ERCC5: variants seen among roughly 807,000 people sequenced by gnomAD.
ERCC5 encodes the protein ERCC excision repair 5, endonuclease, also known as DNA excision repair protein ERCC-5.
In ERCC5, 68 loss-of-function variants were observed where a neutral mutation model predicts 105.6. That is an observed-to-expected ratio of 0.64 (90% CI 0.53 to 0.79). The LOEUF is 0.79. ERCC5 is among the 30% of genes least tolerant of loss of function. ERCC5 has a pLI of 0.00. For synonymous variants in ERCC5, 546 were observed against 526.2 expected (o/e 1.04, Z -0.51); for missense variants, 1,373 against 1,426.7 (o/e 0.96, Z 0.61).
At chr13:102,872,015 C>T (rs1883049431) in intron 12 of ERCC5, among the ~76,000 whole-genome samples, 183 bp from the exon 13 acceptor site, 1 of 152,110 alleles carries the variant, frequency 6.6e-6, no homozygotes. Context: ...AGGAAGACTT[C>T]CATAAATGTT....
intron 6 of ERCC5, among the ~76,000 whole-genome samples, chr13:102,859,702 G>T (rs898000189): frequency 1.7e-4 from 26 of 152,282 alleles, no homozygotes; most frequent in African/African-American, 5.1e-4. Flanking sequence ...CAGCTTACTG[G>T]ATCTGTAATT....
intron 14 of ERCC5, among the ~76,000 whole-genome samples, chr13:102,873,696 T>G (rs1019715297): frequency 6.6e-6 from 1 of 152,222 alleles, no homozygotes; most frequent in Non-Finnish European, 1.5e-5. Context: ...TCTGATCATT[T>G]AAGTTTTTAT....
rs2140532598 is a variant in ERCC5, at chr13:102,866,723, C to G, written c.2411C>G (p.Ser804Cys). The change falls in exon 11 of 15, where the codon TCC becomes TGC. Residue 804 changes from serine (S) to cysteine (C), a missense_variant. Coordinates refer to ENST00000652225, the MANE Select transcript of ERCC5 (RefSeq NM_000123.4). The part of the protein sequence containing the change: ...CAILDLTDQT[S>C]GTITDDSDIW... ...ATCCTGGACCTGACTGATCAGACTTCCGGAACCATCACTGATGACAGTGAT... is the reference window on the plus strand; with the variant it reads ...ATCCTGGACCTGACTGATCAGACTTGCGGAACCATCACTGATGACAGTGAT... 5 of 1,614,254 alleles carry G rather than the reference C, an allele frequency of 3.1e-6. No individual in the cohort carries two copies. The highest frequency in any genetic ancestry group is 1.7e-5 in the Admixed American group (1 of 60,032).
rs1882229359 is a variant in ERCC5 at position 102,852,176 on chromosome 13, A to G, written c.147A>G (p.Ser49=). 1 of 1,614,030 alleles carries G rather than the reference A, an allele frequency of 6.2e-7. No homozygotes were observed. Among genetic ancestry groups the G allele is most frequent in the African/African-American group, 1.3e-5 (1 of 74,944 alleles). ...LKGVRDRHGN[S]IENPHLLTLF... ...GAGTCCGGGATCGCCATGGGAACTC[A>G]ATAGAAAATCCTCATCTTCTCACTT... Residue 49 remains serine, a synonymous_variant, in exon 2 of 15, where the codon TCA becomes TCG. Coordinates refer to ENST00000652225, the MANE Select transcript of ERCC5 (RefSeq NM_000123.4).
intron 2 of ERCC5, 150 bp from the exon 3 acceptor site, chr13:102,853,607 A>G (rs1408440285): frequency 2.7e-6 from 2 of 735,308 alleles, no homozygotes; most frequent in Non-Finnish European, 4.6e-6. Flanking sequence ...CAACCTGAAG[A>G]TATACACTGA....
rs772283134 is a variant in ERCC5, at chr13:102,856,080, C to A, written c.496C>A (p.Gln166Lys). The change falls in exon 5 of 15, where the codon CAA (glutamine) becomes AAA (lysine). Residue 166 changes from glutamine to lysine, a missense_variant. Physicochemically the swap from Gln to Lys is moderately conservative, Grantham distance 53. Around this residue, in one of 3 missense-constraint regions of ERCC5, gnomAD observed 1,004 missense variants for 1,059.7 expected, o/e 0.95. Coordinates refer to ENST00000652225, the MANE Select transcript of ERCC5 (RefSeq NM_000123.4). ...AGAAGAGGAAGATGAAAAAGAATGG[C>A]AAGAAAGAATGAATCAAAAACAAGC... ...SSEEEDEKEW[Q>K]ERMNQKQALQ... 2 of 1,613,744 alleles carry A rather than the reference C, an allele frequency of 1.2e-6. No homozygotes were observed. Among genetic ancestry groups the A allele is most frequent in the Admixed American group, 3.3e-5 (2 of 60,018 alleles).
intron 5 of ERCC5, 116 bp downstream of exon 5, chr13:102,856,228 A>AG: frequency 1.8e-6 from 2 of 1,110,826 alleles, no homozygotes; most frequent in South Asian, 2.7e-5. Flanking sequence ...AAGTAAAGAC[A>AG]GATGGCTTTT....
At chr13:102,846,573 A>G (rs1881974905) in intron 1 of ERCC5, among the ~76,000 whole-genome samples, 1 of 152,128 alleles carries the variant, frequency 6.6e-6, no homozygotes, top group Non-Finnish European at 1.5e-5. Flanking sequence ...ACGATGTTCA[A>G]GTTCCTTCAA....
At chr13:102,856,209 C>G in intron 5 of ERCC5, 97 bp downstream of exon 5, 1 of 1,331,128 alleles carries the variant, frequency 7.5e-7, no homozygotes. Flanking sequence ...TGTGAAAGTT[C>G]CTGATAAAAA....
intron 5 of ERCC5, among the ~76,000 whole-genome samples, chr13:102,856,768 C>A (rs945773297): frequency 1.3e-5 from 2 of 152,204 alleles, no homozygotes; most frequent in African/African-American, 4.8e-5. Flanking sequence ...TGGCTGTCAG[C>A]CAGTCTTCCA....
At chr13:102,858,963 C>G in intron 6 of ERCC5, 1 of 456,046 alleles carries the variant, frequency 2.2e-6, no homozygotes. Context: ...TCCACATTCC[C>G]TTGCCCTCTT....
Position 102,865,520 on chromosome 13 carries a change from C to A in ERCC5, c.1955-147C>A. On this transcript the variant is annotated intron_variant, in intron 8 of 14. Transcript: ENST00000652225. The surrounding 1 kb of genome is among the most constrained non-coding windows in gnomAD (Gnocchi z 4.0). The stretch of plus-strand genomic sequence containing the variant: ...TGTGATTACATTTATTTATTAATAA[C>A]GCTACTATTACATGTATTCTGTTAT... The A allele has an allele frequency of 3.7e-6, 4 of 1,088,756 alleles. No homozygotes were observed. Among genetic ancestry groups the A allele is most frequent in the East Asian group, 2.7e-5 (1 of 37,470 alleles). 67.4% of individuals were successfully genotyped at this position (1,088,756 alleles called of 1,614,324 possible).
In ERCC5 at chr13:102,858,339, C is replaced by G. The variant is rs780136716; in HGVS notation, c.593C>G (p.Pro198Arg). The G allele has an allele frequency of 2.5e-6, 4 of 1,614,162 alleles. No individual in the cohort carries two copies. Among genetic ancestry groups the G allele is most frequent in the Non-Finnish European group, 2.5e-6 (3 of 1,180,024 alleles). ...IESEDFSSLP[P>R]EVKHEILTDM... ...TCTGAGGACTTCAGCAGCCTGCCCC[C>G]TGAAGTAAAGCATGAAATCTTGACT... Residue 198 changes from proline (P) to arginine (R), a missense_variant, in exon 6 of 15, where the codon CCT becomes CGT. Physicochemically the swap from Pro to Arg is moderately radical, Grantham distance 103. Around this residue, in one of 3 missense-constraint regions of ERCC5, gnomAD observed 1,004 missense variants for 1,059.7 expected, o/e 0.95. Transcript: ENST00000652225.
Position 102,873,330 on chromosome 13 carries a change from T to G in ERCC5, c.2951T>G (p.Leu984Arg), listed in dbSNP as rs1234968930. 1 of 1,614,102 alleles carries G rather than the reference T, an allele frequency of 6.2e-7. No homozygotes were observed. Among genetic ancestry groups the G allele is most frequent in the Non-Finnish European group, 8.5e-7 (1 of 1,179,994 alleles). The change falls in exon 14 of 15, where the codon CTC (leucine) becomes CGC (arginine). Residue 984 changes from leucine to arginine, a missense_variant. Leu to Arg is a moderately radical substitution (Grantham distance 102). Around this residue, in one of 3 missense-constraint regions of ERCC5, gnomAD observed 367 missense variants for 350.2 expected, o/e 1.05. Transcript: ENST00000652225. ...TCTCTGTTTCCTGTATTAAAGCAAC[T>G]CGATGCCCAGCAGGTAATCATGGTG... ...DESLFPVLKQ[L>R]DAQQTQLRID...
At chr13:102,848,815 T>C (rs560461728) in intron 1 of ERCC5, among the ~76,000 whole-genome samples, 38 of 152,302 alleles carry the variant, frequency 2.5e-4, no homozygotes, top group Admixed American at 3.3e-4. Flanking sequence ...ATTTTACATA[T>C]TTCATCTCTA....
intron 14 of ERCC5, 84 bp from the exon 15 acceptor site, chr13:102,875,223 A>T: frequency 3.4e-6 from 5 of 1,453,748 alleles, no homozygotes; most frequent in East Asian, 2.4e-5. Context: ...AATGTGAGTG[A>T]TCAAGGTTGA....
In ERCC5 at chr13:102,847,369, G is replaced by A. The variant is rs566515838; in HGVS notation, c.88+1015G>A. 4.0e-5 allele frequency among the ~76,000 whole-genome samples: 6 copies of A among 151,212 alleles called. No individual in the cohort carries two copies. The South Asian group carries it at 1.3e-3, about 32-fold the overall frequency. ...TACCTTACACCAATTTCCTAAATGGGGATCTATGAGTCTAGGGGCTCGTGG... is the reference window on the plus strand; with the variant it reads ...TACCTTACACCAATTTCCTAAATGGAGATCTATGAGTCTAGGGGCTCGTGG... On this transcript the variant is annotated intron_variant, in intron 1 of 14. Transcript: ENST00000652225.
intron 12 of ERCC5, among the ~76,000 whole-genome samples, chr13:102,870,630 G>A (rs1006558129): frequency 6.6e-6 from 1 of 152,184 alleles, no homozygotes; most frequent in Non-Finnish European, 1.5e-5. Context: ...AGAATTATCG[G>A]TATTCTCTCA....
At chr13:102,849,333 C>T (rs1394810237) in intron 1 of ERCC5, 1 of 518,980 alleles carries the variant, frequency 1.9e-6, no homozygotes, top group Non-Finnish European at 3.8e-6. Context: ...AAATCATGTT[C>T]TAGAAACTTC....
Sources: allele counts gnomAD v4.1 joint callset (sites outside exome capture counted in the v4.1 genomes callset), GRCh38; gene constraint gnomAD v4.1.1; regional missense constraint gnomAD v4.1.1; non-coding constraint Gnocchi (gnomAD v3.1); transcripts MANE v1.5; gene names NCBI Gene and HGNC (gene_info 2026-07-23, HGNC 2026-07-21).